FBN1: variants seen among roughly 807,000 people sequenced by gnomAD.
FBN1 encodes fibrillin 1, also known as fibrillin-1.
Under a neutral mutation model 365.1 loss-of-function variants are expected in FBN1, and 29 were observed. The ratio of observed to expected loss-of-function variants is 0.08; its 90% CI spans 0.06 to 0.11. The LOEUF is 0.11. Ranked by LOEUF, FBN1 falls within the 10% of genes least tolerant of loss-of-function variation. The pLI is 1.00. For missense variants in FBN1, 2,476 were observed against 3,703.2 expected, an observed-to-expected ratio of 0.67 and a Z score of 8.60; for synonymous variants, 1,210 against 1,270.5, an observed-to-expected ratio of 0.95 and a Z score of 1.01.
Position 48,427,773 on chromosome 15 carries a change from T to C in FBN1, c.6998A>G (p.Asp2333Gly). 6.2e-7 allele frequency: 1 copy of C among 1,613,604 alleles called. No individual in the cohort carries two copies. Among genetic ancestry groups the C allele is most frequent in the Non-Finnish European group, 8.5e-7 (1 of 1,179,686 alleles). ...TASPNQDECL[D>G]NREGYCFTEV... ...TGTGAAGCAGTACCCTTCCCGATTG[T>C]CTGGAAGGGACATTATATGGCAAAG... is the stretch of plus-strand genomic sequence containing the variant. The change falls in exon 58 of 66, where the codon GAC becomes GGC. Residue 2333 changes from aspartate to glycine, a missense_variant and splice_region_variant. Around this residue, in one of 5 missense-constraint regions of FBN1, gnomAD observed 1,780 missense variants for 2,840.8 expected, o/e 0.63. Coordinates refer to ENST00000316623, the MANE Select transcript of FBN1 (RefSeq NM_000138.5).
chr15:48,627,672 A>G (rs1354244070), intron 2 of FBN1, among the ~76,000 whole-genome samples: 2 of 152,206 alleles, frequency 1.3e-5, no homozygotes, highest in Non-Finnish European at 2.9e-5. Flanking sequence ...TCTGTGACTT[A>G]ATTCAGAGGC....
At chr15:48,441,557 T>C (rs1180578204) in intron 50 of FBN1, among the ~76,000 whole-genome samples, 164 bp downstream of exon 50, 1 of 152,166 alleles carries the variant, frequency 6.6e-6, no homozygotes, top group African/African-American at 2.4e-5. Flanking sequence ...ACCTTAAAAG[T>C]GAAAATGAAC....
chr15:48,500,272 G>A (rs114703408), intron 17 of FBN1, among the ~76,000 whole-genome samples: 2,369 of 152,350 alleles, frequency 0.016, 54 homozygotes, highest in African/African-American at 0.055. Flanking sequence ...AGGACTTTTA[G>A]AGATAATGAC....
intron 6 of FBN1, among the ~76,000 whole-genome samples, chr15:48,574,960 T>C (rs2044334121): frequency 6.6e-6 from 1 of 152,246 alleles, no homozygotes; most frequent in South Asian, 2.1e-4. Flanking sequence ...TCTGAGGTTA[T>C]GTTAGATGAA....
chr15:48,498,233 A>G (rs2043623888), intron 18 of FBN1, among the ~76,000 whole-genome samples: 1 of 151,538 alleles, frequency 6.6e-6, no homozygotes, highest in South Asian at 2.1e-4. Flanking sequence ...TTAACTCCTT[A>G]TTCGTTATAA....
At position 48,520,843 on chromosome 15, in the gene FBN1, C is replaced by T. The variant is rs1309668510; in HGVS notation, c.989-26G>A. The T allele has an allele frequency of 2.5e-6, 4 of 1,613,860 alleles. No individual in the cohort carries two copies. In the African/African-American group the frequency reaches 5.3e-5, roughly 22 times the overall value. On this transcript the variant is annotated intron_variant, in intron 9 of 65. Transcript: ENST00000316623. ...CTGAGGACAAAGAAACACATACACACACACACATCGCTGAGATAATACTTG... is the reference window on the plus strand; with the variant it reads ...CTGAGGACAAAGAAACACATACACATACACACATCGCTGAGATAATACTTG...
rs573353246 is a variant in FBN1 at position 48,507,031 on chromosome 15, C to T, written c.1837+1551G>A. On this transcript the variant is annotated intron_variant, in intron 15 of 65. Coordinates refer to ENST00000316623, the MANE Select transcript of FBN1 (RefSeq NM_000138.5). ...GAACAACCAATTTATTGATAGGATA[C>T]TATTTCACTGGTTGCCAATGGTTGC... is the stretch of plus-strand genomic sequence containing the variant. Among the ~76,000 whole-genome samples, 18 of 152,224 alleles carry T rather than the reference C, an allele frequency of 1.2e-4. No homozygotes were observed. In the East Asian group the frequency reaches 3.5e-3, roughly 29 times the overall value.
chr15:48,488,571 A>C, intron 25 of FBN1, 78 bp from the exon 26 acceptor site: 3 of 1,544,596 alleles, frequency 1.9e-6, no homozygotes, highest in Non-Finnish European at 2.6e-6. Context: ...ACCATTTTAA[A>C]TCATGAAGGT....
intron 6 of FBN1, among the ~76,000 whole-genome samples, chr15:48,541,302 G>A (rs1013609619): frequency 1.3e-5 from 2 of 152,100 alleles, no homozygotes; most frequent in African/African-American, 4.8e-5. Context: ...AGAAACTATG[G>A]ACTTAGTACA....
In FBN1 at chr15:48,411,655, T is replaced by A. The variant is rs532209502; in HGVS notation, c.8227-276A>T. 5.3e-5 allele frequency among the ~76,000 whole-genome samples: 8 copies of A among 152,374 alleles called. No homozygotes were observed. In the East Asian group the frequency reaches 1.3e-3, roughly 26 times the overall value. ...AGTCCCTGAACAAGCTGCATCAGCATCACCTGGGAATCTGTTAGAAATGCA... is the reference window on the plus strand; with the variant it reads ...AGTCCCTGAACAAGCTGCATCAGCAACACCTGGGAATCTGTTAGAAATGCA... On this transcript the variant is annotated intron_variant, in intron 65 of 65. Transcript: ENST00000316623.
chr15:48,604,441 C>T (rs1049017348), intron 4 of FBN1, among the ~76,000 whole-genome samples: 4 of 152,174 alleles, frequency 2.6e-5, no homozygotes, highest in African/African-American at 9.7e-5. Context: ...AAACAATTTT[C>T]ATTTAGAGGG....
In FBN1 at chr15:48,487,089, C is replaced by T. The variant is rs751764864; in HGVS notation, c.3575G>A (p.Arg1192Lys). The change falls in exon 29 of 66, where the codon AGG becomes AAG. Residue 1192 changes from arginine (R) to lysine (K), a missense_variant. By Grantham distance (26) the Arg-to-Lys change is conservative. Around this residue, in one of 5 missense-constraint regions of FBN1, gnomAD observed 1,780 missense variants for 2,840.8 expected, o/e 0.63. Transcript: ENST00000316623. ...AAAGAACTTACCAACACAAAATAGC[C>T]TATCGGGAGTTGAATGGTAGCCAGG... is the stretch of plus-strand genomic sequence containing the variant. ...CNPGYHSTPDRLFCVDIDECS... is the reference protein window; with the variant it reads ...CNPGYHSTPDKLFCVDIDECS... 62 of 1,611,878 alleles carry T rather than the reference C, an allele frequency of 3.8e-5. No homozygotes were observed. The South Asian group carries it at 6.6e-4, about 17-fold the overall frequency.
intron 63 of FBN1, 129 bp from the exon 64 acceptor site, chr15:48,415,896 G>A (rs2141215265): frequency 2.7e-6 from 2 of 751,782 alleles, no homozygotes; most frequent in Non-Finnish European, 4.7e-6. Flanking sequence ...GACAGGCAGA[G>A]GTGGCTGGGT....
rs117964553 is a variant in FBN1 at position 48,604,731 on chromosome 15, A to G, written c.347-4497T>C. ...TCCTCCCAGTCCATATAAATCCCAC[A>G]CTTCCCTGAAAAGCTTTTTCAAGGA... is the stretch of plus-strand genomic sequence containing the variant. On this transcript the variant is annotated intron_variant, in intron 4 of 65. Coordinates refer to ENST00000316623, the MANE Select transcript of FBN1 (RefSeq NM_000138.5). 7.2e-5 allele frequency among the ~76,000 whole-genome samples: 11 copies of G among 152,244 alleles called. No homozygotes were observed. In the South Asian group the frequency reaches 1.9e-3, roughly 26 times the overall value.
chr15:48,618,452 G>A (rs914297854), intron 2 of FBN1, among the ~76,000 whole-genome samples: 2 of 151,858 alleles, frequency 1.3e-5, no homozygotes, highest in Admixed American at 1.3e-4. Context: ...CCTTTATTCT[G>A]GCCCTCTTCA....
chr15:48,621,789 C>T (rs1490134427), intron 2 of FBN1, among the ~76,000 whole-genome samples: 1 of 151,630 alleles, frequency 6.6e-6, no homozygotes, highest in East Asian at 1.9e-4. Flanking sequence ...GAGATCGAGA[C>T]CATCCTGCCT....
At chr15:48,609,188 G>A (rs1435073622) in intron 4 of FBN1, among the ~76,000 whole-genome samples, 1 of 152,176 alleles carries the variant, frequency 6.6e-6, no homozygotes, top group East Asian at 1.9e-4. Flanking sequence ...TCCAGTTCAG[G>A]GGCTCTTGCT....
Position 48,534,147 on chromosome 15 carries a change from A to G in FBN1, c.795T>C (p.Thr265=). ...GLCQGGNCIN[T]VGSFECKCPA... is the part of the protein sequence containing the mutation. ...GGCATTTGCACTCAAAAGACCCAAC[A>G]GTATTAATGCAATTTCCTCCCTGAC... Residue 265 remains threonine, a synonymous_variant, in exon 8 of 66, where the codon ACT becomes ACC. Coordinates refer to ENST00000316623, the MANE Select transcript of FBN1 (RefSeq NM_000138.5). 1 of 1,613,972 alleles carries G rather than the reference A, an allele frequency of 6.2e-7. No individual in the cohort carries two copies. The highest frequency in any genetic ancestry group is 8.5e-7 in the Non-Finnish European group (1 of 1,179,962).
In FBN1 at chr15:48,452,700, A is replaced by T. The variant is rs1465510931; in HGVS notation, c.5423-16T>A. 1 of 1,613,812 alleles carries T rather than the reference A, an allele frequency of 6.2e-7. No individual in the cohort carries two copies. Among genetic ancestry groups the T allele is most frequent in the Non-Finnish European group, 8.5e-7 (1 of 1,179,946 alleles). ...TCGTCAATATCTACGAGCAGAAGAG[A>T]ACTGAATTTGAAGGAGAACAGAATC... On this transcript the variant is annotated splice_polypyrimidine_tract_variant and intron_variant, in intron 44 of 65. Coordinates refer to ENST00000316623, the MANE Select transcript of FBN1 (RefSeq NM_000138.5).
Sources: allele counts gnomAD v4.1 joint callset (sites outside exome capture counted in the v4.1 genomes callset), GRCh38; gene constraint gnomAD v4.1.1; regional missense constraint gnomAD v4.1.1; transcripts MANE v1.5; gene names NCBI Gene and HGNC (gene_info 2026-07-23, HGNC 2026-07-21).